The following RANBP2 variants were observed in gnomAD, a reference collection of about 807,000 sequenced individuals.
RANBP2 encodes E3 SUMO-protein ligase RanBP2.
Under a neutral mutation model 303.6 loss-of-function variants are expected in RANBP2, and 57 were observed. The observed-to-expected ratio is 0.19, with a 90% CI of 0.15 to 0.23. RANBP2 has a LOEUF of 0.23. Ranked by LOEUF, RANBP2 falls within the 10% of genes least tolerant of loss-of-function variation. The probability of loss-of-function intolerance (pLI) is 1.00; values close to 1 mark genes in which losing one functional copy is unlikely to be tolerated. For missense variants in RANBP2, 3,138 were observed against 3,780.8 expected (o/e 0.83, Z 4.46); for synonymous variants, 1,167 against 1,301.5 (o/e 0.90, Z 2.23).
the RANBP2 span, chr2:109,546,333 C>T: frequency 2.8e-6 from 2 of 707,646 alleles, no homozygotes; most frequent in Non-Finnish European, 4.5e-6. Context: ...CATAGCGCAA[C>T]ACAGAATAAC....
chr2:109,252,624 A>C, the RANBP2 span, among the ~76,000 whole-genome samples: 2 of 152,230 alleles, frequency 1.3e-5, no homozygotes, highest in East Asian at 1.9e-4. Context: ...CAATAGTTGG[A>C]AGTATCATAA....
the RANBP2 span, chr2:108,798,360 C>T: frequency 1.3e-6 from 2 of 1,543,956 alleles, no homozygotes; most frequent in Admixed American, 2.0e-5. Flanking sequence ...ACAGTGTCAG[C>T]CAATAGGAAT....
At chr2:108,894,100 C>G in the RANBP2 span, among the ~76,000 whole-genome samples, 1 of 152,112 alleles carries the variant, frequency 6.6e-6, no homozygotes, top group Admixed American at 6.5e-5. Flanking sequence ...CCTAAGTCAG[C>G]TGACTGACCC....
the RANBP2 span, chr2:109,552,967 C>A: frequency 9.0e-7 from 1 of 1,110,540 alleles, no homozygotes; most frequent in Non-Finnish European, 1.3e-6. Flanking sequence ...GTTGGAAAAG[C>A]TACTCTTTAA....
the RANBP2 span, among the ~76,000 whole-genome samples, chr2:109,239,940 A>C: frequency 8.5e-5 from 13 of 152,364 alleles, no homozygotes; most frequent in Non-Finnish European, 1.5e-4. Context: ...GACTGATAGC[A>C]AAATGTGCTC....
the RANBP2 span, among the ~76,000 whole-genome samples, chr2:109,404,358 G>A: frequency 4.6e-5 from 7 of 152,220 alleles, no homozygotes; most frequent in Non-Finnish European, 1.5e-5. Flanking sequence ...AGGCCTGGCG[G>A]GGAGTGGGGT....
At chr2:109,325,187 A>G in the RANBP2 span, among the ~76,000 whole-genome samples, 1 of 152,046 alleles carries the variant, frequency 6.6e-6, no homozygotes, top group Non-Finnish European at 1.5e-5. Flanking sequence ...TTTTCTGTGA[A>G]GATCAGTGTC....
At chr2:108,940,610 C>T in the RANBP2 span, among the ~76,000 whole-genome samples, 5 of 152,230 alleles carry the variant, frequency 3.3e-5, no homozygotes, top group South Asian at 2.1e-4. Context: ...CATCCAGTGC[C>T]GTCGTCACAC....
At chr2:109,698,593 T>C in the RANBP2 span, among the ~76,000 whole-genome samples, 1 of 152,284 alleles carries the variant, frequency 6.6e-6, no homozygotes, top group East Asian at 1.9e-4. Context: ...TCTTGTATGC[T>C]CATTCCATCA....
At chr2:109,503,249 T>G in the RANBP2 span, 2 of 152,224 alleles carry the variant, frequency 1.3e-5, no homozygotes, top group East Asian at 3.8e-4. Context: ...TAAATTAAGC[T>G]GAAGAAACTA....
chr2:109,196,433 C>T, the RANBP2 span, among the ~76,000 whole-genome samples: 1 of 152,218 alleles, frequency 6.6e-6, no homozygotes, highest in Non-Finnish European at 1.5e-5. Flanking sequence ...ATGGCTTCCA[C>T]AGCCCTTCCT....
At chr2:109,101,585 G>A in the RANBP2 span, among the ~76,000 whole-genome samples, 1 of 152,030 alleles carries the variant, frequency 6.6e-6, no homozygotes, top group Non-Finnish European at 1.5e-5. Flanking sequence ...ACCCCATACT[G>A]TGCAATCCAT....
the RANBP2 span, among the ~76,000 whole-genome samples, chr2:108,939,631 G>C: frequency 6.6e-6 from 1 of 152,170 alleles, no homozygotes; most frequent in Non-Finnish European, 1.5e-5. Flanking sequence ...CAGTCACAGT[G>C]TATCCCCTGT....
the RANBP2 span, among the ~76,000 whole-genome samples, chr2:109,608,669 G>A: frequency 6.6e-6 from 1 of 152,040 alleles, no homozygotes; most frequent in Non-Finnish European, 1.5e-5. Flanking sequence ...TTGTTTTAAG[G>A]TATTTAACAT....
the RANBP2 span, among the ~76,000 whole-genome samples, chr2:109,365,034 GAC>G: frequency 2.7e-4 from 41 of 149,612 alleles, no homozygotes; most frequent in East Asian, 1.6e-3. Context: ...AAGAAACACA[GAC>G]ACACACACAC....
intron 6 of RANBP2, among the ~76,000 whole-genome samples, chr2:108,737,211 C>T (rs1233291487): frequency 1.3e-5 from 2 of 151,996 alleles, no homozygotes; most frequent in Non-Finnish European, 2.9e-5. Flanking sequence ...TTTTAGAAAA[C>T]ATGTAGGATG....
the RANBP2 span, among the ~76,000 whole-genome samples, chr2:108,880,297 T>C: frequency 6.6e-6 from 1 of 152,086 alleles, no homozygotes; most frequent in Non-Finnish European, 1.5e-5. Flanking sequence ...GTAGATTCCA[T>C]GTTCATAGAT....
At chr2:108,807,653 T>G in the RANBP2 span, among the ~76,000 whole-genome samples, 1 of 152,248 alleles carries the variant, frequency 6.6e-6, no homozygotes, top group East Asian at 1.9e-4. Context: ...AGTCTCATTC[T>G]GATGCCCAGG....
the RANBP2 span, among the ~76,000 whole-genome samples, chr2:109,361,550 T>G: frequency 1.3e-5 from 2 of 152,294 alleles, no homozygotes; most frequent in East Asian, 3.9e-4. Context: ...CTTGGCTCAT[T>G]GCAACCTCCG....
Sources: allele counts gnomAD v4.1 joint callset (sites outside exome capture counted in the v4.1 genomes callset), GRCh38; gene constraint gnomAD v4.1.1; transcripts MANE v1.5; gene names NCBI Gene and HGNC (gene_info 2026-07-23, HGNC 2026-07-21).